The following PHF2 variants were observed in gnomAD, a reference collection of about 807,000 sequenced individuals.
PHF2 encodes the protein PHD finger protein 2, also known as lysine-specific demethylase PHF2.
PHF2 carries 27 observed loss-of-function variants against 120.5 expected under a neutral mutation model. The ratio of observed to expected loss-of-function variants is 0.22; its 90% CI spans 0.17 to 0.31. PHF2 has a LOEUF of 0.31. Ranked by LOEUF, PHF2 falls within the 10% of genes least tolerant of loss-of-function variation. The pLI, the probability that PHF2 is intolerant of heterozygous loss-of-function variation, is 1.00. For missense variants in PHF2, 1,024 were observed against 1,434.8 expected (o/e 0.71, Z 4.63); for synonymous variants, 568 against 592.5 (o/e 0.96, Z 0.60).
chr9:93,582,543 C>T (rs1343704379), intron 1 of PHF2, among the ~76,000 whole-genome samples: 1 of 152,148 alleles, frequency 6.6e-6, no homozygotes, highest in African/African-American at 2.4e-5. Flanking sequence ...AGCTTTTTGG[C>T]TCTGTGGCAG....
intron 1 of PHF2, among the ~76,000 whole-genome samples, chr9:93,629,489 G>T (rs1277173469): frequency 1.3e-5 from 2 of 152,146 alleles, no homozygotes; most frequent in Non-Finnish European, 2.9e-5. Context: ...CTAAGGCCAG[G>T]CTGGTAGGCC....
intron 1 of PHF2, among the ~76,000 whole-genome samples, chr9:93,578,065 C>G (rs554923595): frequency 1.3e-5 from 2 of 152,332 alleles, no homozygotes; most frequent in African/African-American, 4.8e-5. Context: ...AAGACTGGGT[C>G]TTCAAGACTG....
chr9:93,667,328 G>A, intron 17 of PHF2, 88 bp downstream of exon 17: 1 of 1,479,166 alleles, frequency 6.8e-7, no homozygotes, highest in South Asian at 1.2e-5. Flanking sequence ...AGCCTGCGAG[G>A]CAGACGCACA....
intron 1 of PHF2, among the ~76,000 whole-genome samples, chr9:93,622,768 T>G (rs987487260): frequency 3.3e-5 from 5 of 152,184 alleles, no homozygotes; most frequent in African/African-American, 1.2e-4. Flanking sequence ...TCCTGGTGTC[T>G]CTAGCCCCTC....
chr9:93,667,437 GCTT>G (rs1341702986), intron 17 of PHF2, among the ~76,000 whole-genome samples, 197 bp downstream of exon 17: 6 of 152,238 alleles, frequency 3.9e-5, no homozygotes, highest in Non-Finnish European at 7.3e-5. Context: ...TCAATCAAGG[GCTT>G]CTTTTTCTTT....
At chr9:93,600,181 CTG>C in intron 1 of PHF2, among the ~76,000 whole-genome samples, 1 of 151,334 alleles carries the variant, frequency 6.6e-6, no homozygotes, top group East Asian at 2.0e-4. Flanking sequence ...TGCTGTGTGT[CTG>C]TAGCATATGT....
At chr9:93,593,454 G>A (rs575093025) in intron 1 of PHF2, among the ~76,000 whole-genome samples, 1 of 152,302 alleles carries the variant, frequency 6.6e-6, no homozygotes, top group Admixed American at 6.5e-5. Flanking sequence ...ACTTCCCAAA[G>A]GAGATATTTG....
intron 5 of PHF2, among the ~76,000 whole-genome samples, chr9:93,652,526 C>T (rs1035376027): frequency 2.0e-5 from 3 of 152,180 alleles, no homozygotes; most frequent in Middle Eastern, 3.4e-3. Context: ...CACCTGAGTT[C>T]GTGGTCCGCC....
chr9:93,638,981 G>A (rs1826135538), intron 3 of PHF2, among the ~76,000 whole-genome samples: 1 of 152,188 alleles, frequency 6.6e-6, no homozygotes, highest in East Asian at 1.9e-4. Context: ...GCCTCCCAAA[G>A]TGCTGGGATT....
chr9:93,592,794 G>T (rs1210363413), intron 1 of PHF2, among the ~76,000 whole-genome samples: 1 of 152,052 alleles, frequency 6.6e-6, no homozygotes, highest in Non-Finnish European at 1.5e-5. Context: ...AGACAGAGGG[G>T]GCCAAGCACC....
At chr9:93,595,343 C>A (rs573214067) in intron 1 of PHF2, among the ~76,000 whole-genome samples, 13 of 152,328 alleles carry the variant, frequency 8.5e-5, no homozygotes, top group South Asian at 6.2e-4. Context: ...TCTGTGGATG[C>A]TCAGATACTT....
At chr9:93,582,327 G>GTGTA (rs1477567229) in intron 1 of PHF2, among the ~76,000 whole-genome samples, 1 of 152,224 alleles carries the variant, frequency 6.6e-6, no homozygotes, top group East Asian at 1.9e-4. Context: ...GGTTTCAGCA[G>GTGTA]TGTAACACGG....
chr9:93,605,104 A>G (rs1289738024), intron 1 of PHF2, among the ~76,000 whole-genome samples: 2 of 152,372 alleles, frequency 1.3e-5, no homozygotes, highest in East Asian at 3.9e-4. Context: ...CCCCATTCAT[A>G]GCGTCTTGCA....
intron 1 of PHF2, among the ~76,000 whole-genome samples, chr9:93,619,628 G>A (rs765747825): frequency 6.6e-6 from 1 of 151,892 alleles, no homozygotes; most frequent in African/African-American, 2.4e-5. Flanking sequence ...CATGCCTGCT[G>A]GTGGCTTCCG....
At chr9:93,577,176 C>T (rs1470142568) in intron 1 of PHF2, among the ~76,000 whole-genome samples, 3 of 150,178 alleles carry the variant, frequency 2.0e-5, no homozygotes, top group Non-Finnish European at 4.5e-5. Context: ...GGGCTCCAGG[C>T]CCGGGCCGGG....
intron 1 of PHF2, among the ~76,000 whole-genome samples, chr9:93,598,498 C>G (rs1037532557): frequency 2.0e-5 from 3 of 152,112 alleles, no homozygotes; most frequent in East Asian, 1.9e-4. Flanking sequence ...AGCTGCCAAC[C>G]CCCGTCAGAA....
At chr9:93,652,272 G>C (rs898661836) in intron 5 of PHF2, among the ~76,000 whole-genome samples, 1 of 150,794 alleles carries the variant, frequency 6.6e-6, no homozygotes. Context: ...GTCACTGCAC[G>C]GGTGCTGTTG....
At chr9:93,586,572 C>G (rs1015763565) in intron 1 of PHF2, among the ~76,000 whole-genome samples, 1 of 152,254 alleles carries the variant, frequency 6.6e-6, no homozygotes, top group Non-Finnish European at 1.5e-5. Flanking sequence ...GTCTGTGAGG[C>G]TTTTGTGCCA....
At chr9:93,621,116 A>C (rs1825818377) in intron 1 of PHF2, among the ~76,000 whole-genome samples, 1 of 152,174 alleles carries the variant, frequency 6.6e-6, no homozygotes, top group South Asian at 2.1e-4. Flanking sequence ...AGCAATGCAG[A>C]TGTAGGGTCG....
Sources: allele counts gnomAD v4.1 joint callset (sites outside exome capture counted in the v4.1 genomes callset), GRCh38; gene constraint gnomAD v4.1.1; transcripts MANE v1.5; gene names NCBI Gene and HGNC (gene_info 2026-07-23, HGNC 2026-07-21).